Variants in EYS observed in about 807,000 individuals in gnomAD.
The protein encoded by EYS is protein eyes shut homolog.
A neutral mutation model predicts 282.1 loss-of-function variants in EYS; 250 were observed. The ratio of observed to expected loss-of-function variants is 0.89; its 90% CI spans 0.80 to 0.98. The LOEUF is 0.98. EYS is among the 50% of genes least tolerant of loss of function. The pLI is 0.00. For missense variants in EYS, 4,016 were observed against 3,709.0 expected (o/e 1.08, Z -2.15); for synonymous variants, 1,355 against 1,282.9 (o/e 1.06, Z -1.20).
At chr6:65,511,203 C>T (rs1217863590) in intron 2 of EYS, among the ~76,000 whole-genome samples, 1 of 152,066 alleles carries the variant, frequency 6.6e-6, no homozygotes, top group African/African-American at 2.4e-5. Context: ...AATAGCACAC[C>T]TGCTGCTTTT....
chr6:65,368,769 T>G (rs564769079), intron 8 of EYS, among the ~76,000 whole-genome samples: 2 of 151,768 alleles, frequency 1.3e-5, no homozygotes, highest in African/African-American at 4.8e-5. Context: ...AAGTAGTACT[T>G]TAAGCATAAG....
At chr6:65,453,685 C>G (rs934877740) in intron 5 of EYS, among the ~76,000 whole-genome samples, 6 of 151,994 alleles carry the variant, frequency 3.9e-5, no homozygotes, top group Non-Finnish European at 7.4e-5. Flanking sequence ...CTCCCCTCCC[C>G]CCTACAGTCT....
rs372116173 is a variant in EYS, at chr6:64,813,087, A to C, written c.3443+291T>G. 2.0e-4 allele frequency among the ~76,000 whole-genome samples: 30 copies of C among 151,784 alleles called. No individual in the cohort carries two copies. The East Asian group carries it at 4.3e-3, about 22-fold the overall frequency. On this transcript the variant is annotated intron_variant, in intron 22 of 42. Transcript: ENST00000503581. ...TTCATTTGGTATAAAATATTTGAGA[A>C]AAAGAATAAAAACCCACTTTGAGAA... is the stretch of plus-strand genomic sequence containing the variant.
chr6:64,450,469 G>A (rs1775287569), intron 26 of EYS, among the ~76,000 whole-genome samples: 1 of 152,048 alleles, frequency 6.6e-6, no homozygotes, highest in Non-Finnish European at 1.5e-5. Flanking sequence ...AGTTGATGAG[G>A]ATATCCAGGA....
chr6:64,439,352 T>A lies in EYS; in HGVS notation c.5645A>T (p.Asp1882Val). Residue 1882 changes from aspartate (D) to valine (V), a missense_variant and splice_region_variant, in exon 27 of 43, where the codon GAT becomes GTT. Asp to Val is a radical substitution (Grantham distance 152). Coordinates refer to ENST00000503581, the MANE Select transcript of EYS (RefSeq NM_001142800.2). ...ILAPQRLMISDFSCVRYYGDS... is the reference protein window; with the variant it reads ...ILAPQRLMISVFSCVRYYGDS... ...TCCATAATAACGAACACAACTGAAA[T>A]CTGTGGAGTCAGAAAGAAAATACAA... The A allele has an allele frequency of 6.7e-7, 1 of 1,485,412 alleles. No individual in the cohort carries two copies. 92.0% of individuals were successfully genotyped at this position (1,485,412 alleles called of 1,614,324 possible). A position where few individuals can be genotyped will look rare whatever the true frequency, so the allele number is the denominator to read the frequency against.
chr6:63,720,593 A>C lies in EYS; in HGVS notation c.*3T>G, dbSNP rs1036250451. The C allele has an allele frequency of 6.8e-7, 1 of 1,460,720 alleles. No homozygotes were observed. Among genetic ancestry groups the C allele is most frequent in the Middle Eastern group, 1.8e-4 (1 of 5,488 alleles). 90.5% of individuals were successfully genotyped at this position (1,460,720 alleles called of 1,614,324 possible). On this transcript the variant is annotated 3_prime_UTR_variant, in exon 43 of 43. Coordinates refer to ENST00000503581, the MANE Select transcript of EYS (RefSeq NM_001142800.2). ...AGTGTGTACTAAAATCTCTAGTGTT[A>C]ACTTATGTAACCTCATTTTGTTCAT... is the stretch of plus-strand genomic sequence containing the variant.
intron 1 of EYS, among the ~76,000 whole-genome samples, chr6:65,669,068 G>T (rs1340305892): frequency 2.0e-5 from 3 of 151,822 alleles, no homozygotes; most frequent in Non-Finnish European, 4.4e-5. Context: ...AGTATATATG[G>T]TTATGATGTT....
intron 26 of EYS, among the ~76,000 whole-genome samples, chr6:64,451,087 T>C (rs2150477191): frequency 6.6e-6 from 1 of 151,944 alleles, no homozygotes; most frequent in African/African-American, 2.4e-5. Context: ...TTTGAAAAGA[T>C]CAACAAAATT....
At chr6:63,925,360 A>G (rs1764686156) in intron 35 of EYS, among the ~76,000 whole-genome samples, 1 of 152,236 alleles carries the variant, frequency 6.6e-6, no homozygotes, top group Non-Finnish European at 1.5e-5. Flanking sequence ...GAAAATGAGT[A>G]TATTTTACCT....
Position 64,169,431 on chromosome 6 carries a change from G to GTTTTTTTTTTTTT in EYS, c.6424+61148_6424+61160dup, listed in dbSNP as rs35657029. 1.3e-4 allele frequency among the ~76,000 whole-genome samples: 19 copies of GTTTTTTTTTTTTT among 140,978 alleles called. 1 individual carries two copies. The highest frequency in any genetic ancestry group is 5.2e-4 in the African/African-American group (19 of 36,418). The allele number at this position is 140,978 out of a possible 152,430, so 92.5% of individuals were successfully genotyped here. A position where few individuals can be genotyped will look rare whatever the true frequency, so the allele number is the denominator to read the frequency against. ...ACATACTCAAACAATTTGAGGAGGA[G>GTTTTTTTTTTTTT]TTTTTTTTTTTTTTTTACAAAAAGG... On this transcript the variant is annotated intron_variant, in intron 31 of 42. Transcript: ENST00000503581.
chr6:65,122,152 T>C lies in EYS; in HGVS notation c.2024-64425A>G, dbSNP rs568317488. 9.9e-5 allele frequency among the ~76,000 whole-genome samples: 15 copies of C among 152,044 alleles called. No homozygotes were observed. In the South Asian group the frequency reaches 2.7e-3, roughly 27 times the overall value. ...TGGGACAGATATTAAAATATCAGAA[T>C]CCCAAAAAATTGTTTTAACAAGTAA... On this transcript the variant is annotated intron_variant, in intron 12 of 42. Coordinates refer to ENST00000503581, the MANE Select transcript of EYS (RefSeq NM_001142800.2).
At position 64,657,714 on chromosome 6, in the gene EYS, C is replaced by T. The variant is rs369416943; in HGVS notation, c.3444-31469G>A. Among the ~76,000 whole-genome samples, 208 of 152,256 alleles carry T rather than the reference C, an allele frequency of 1.4e-3. 1 individual carries two copies. Among genetic ancestry groups the T allele is most frequent in the Middle Eastern group, 3.4e-3 (1 of 294 alleles). Reference sequence around the variant, plus strand: ...CTCTTCTGGCTTGTAGAGTTTCTGCCGAGAGATCAGCTGTTAGTCTGATGG... The same window carrying T: ...CTCTTCTGGCTTGTAGAGTTTCTGCTGAGAGATCAGCTGTTAGTCTGATGG... On this transcript the variant is annotated intron_variant, in intron 22 of 42. Transcript: ENST00000503581.
intron 26 of EYS, among the ~76,000 whole-genome samples, chr6:64,508,204 C>T (rs9362916): frequency 0.42 from 64,255 of 151,926 alleles, 14,315 homozygotes; most frequent in African/African-American, 0.59. Context: ...AAAAACTATA[C>T]ATGTATACAC....
intron 30 of EYS, among the ~76,000 whole-genome samples, chr6:64,270,611 T>C (rs910116451): frequency 4.6e-5 from 7 of 152,180 alleles, no homozygotes; most frequent in African/African-American, 1.4e-4. Context: ...AAGTGACAGA[T>C]TGATATGTGA....
chr6:64,667,366 G>A (rs1459059892), intron 22 of EYS, among the ~76,000 whole-genome samples: 2 of 151,920 alleles, frequency 1.3e-5, no homozygotes, highest in East Asian at 3.9e-4. Context: ...TACACCGTGG[G>A]TGGAGAGAGC....
chr6:64,514,449 G>A (rs556449771), intron 26 of EYS, among the ~76,000 whole-genome samples: 8 of 151,876 alleles, frequency 5.3e-5, no homozygotes, highest in African/African-American at 1.9e-4. Flanking sequence ...CAGGACAGCC[G>A]GGCCATGGCC....
intron 13 of EYS, among the ~76,000 whole-genome samples, chr6:65,011,730 G>A (rs185541724): frequency 2.6e-5 from 4 of 152,278 alleles, no homozygotes; most frequent in South Asian, 4.1e-4. Flanking sequence ...TTAAACAAGA[G>A]GCTTGCAACT....
At chr6:64,890,416 C>T (rs1213545792) in intron 18 of EYS, among the ~76,000 whole-genome samples, 1 of 152,134 alleles carries the variant, frequency 6.6e-6, no homozygotes, top group African/African-American at 2.4e-5. Context: ...TGAGGCATCA[C>T]GGAACCTACA....
At chr6:63,909,384 A>G (rs767732588) in intron 35 of EYS, among the ~76,000 whole-genome samples, 30 of 152,222 alleles carry the variant, frequency 2.0e-4, no homozygotes, top group Non-Finnish European at 3.5e-4. Context: ...AGGCCCACAT[A>G]TAAGAATGTC....
Sources: gnomAD v4.1 joint callset for allele counts (sites outside exome capture counted in the v4.1 genomes callset) on GRCh38, gnomAD v4.1.1 for gene constraint, MANE v1.5 for transcripts, NCBI Gene and HGNC (gene_info 2026-07-23, HGNC 2026-07-21) for gene names.